LRP1B: variants seen among roughly 807,000 people sequenced by gnomAD.
The protein encoded by LRP1B is LDL receptor related protein 1B, also known as low-density lipoprotein receptor-related protein 1B.
A neutral mutation model predicts 556.6 loss-of-function variants in LRP1B; 217 were observed. The observed-to-expected ratio is 0.39, with a 90% CI of 0.35 to 0.44. The LOEUF is 0.44. Ranked by LOEUF, LRP1B falls within the 20% of genes least tolerant of loss-of-function variation. The pLI is 1.00. For missense variants in LRP1B, 5,053 were observed against 5,620.8 expected (o/e 0.90, Z 3.23); for synonymous variants, 2,047 against 1,865.8 (o/e 1.10, Z -2.50).
intron 1 of LRP1B, among the ~76,000 whole-genome samples, chr2:141,822,126 C>CAGAGAGAGAGAGAGAGAG (rs1308046198): frequency 5.2e-4 from 59 of 114,400 alleles, no homozygotes; most frequent in South Asian, 9.5e-4. Flanking sequence ...CACACACACA[C>CAGAGAGAGAGAGAGAGAG]ACACAGAGAG....
At chr2:141,394,085 C>T (rs1035572608) in intron 3 of LRP1B, among the ~76,000 whole-genome samples, 2 of 152,008 alleles carry the variant, frequency 1.3e-5, no homozygotes, top group Non-Finnish European at 2.9e-5. Context: ...ATTAAAGTTA[C>T]TACATTTAAA....
intron 2 of LRP1B, among the ~76,000 whole-genome samples, chr2:141,701,091 C>A (rs1301168813): frequency 6.6e-6 from 1 of 151,856 alleles, no homozygotes. Flanking sequence ...TGGACTACTG[C>A]CTTCCCTGGA....
At chr2:141,368,283 G>T (rs1689115017) in intron 3 of LRP1B, among the ~76,000 whole-genome samples, 1 of 152,142 alleles carries the variant, frequency 6.6e-6, no homozygotes, top group African/African-American at 2.4e-5. Flanking sequence ...TGAGATGTGG[G>T]AATTTATATG....
At chr2:140,740,604 C>G (rs993371820) in intron 35 of LRP1B, among the ~76,000 whole-genome samples, 4 of 152,066 alleles carry the variant, frequency 2.6e-5, no homozygotes, top group African/African-American at 9.7e-5. Flanking sequence ...CAAATCACCA[C>G]TAAAGAACTT....
intron 31 of LRP1B, among the ~76,000 whole-genome samples, chr2:140,835,509 A>G (rs554920001): frequency 6.6e-6 from 1 of 152,190 alleles, no homozygotes; most frequent in East Asian, 1.9e-4. Context: ...TAAAAACTTC[A>G]GTCACATTGC....
intron 4 of LRP1B, 108 bp downstream of exon 4, chr2:141,254,414 A>T: frequency 9.3e-7 from 1 of 1,078,948 alleles, no homozygotes; most frequent in Non-Finnish European, 1.3e-6. Context: ...AAGAAAAGTT[A>T]ACATAAACAC....
chr2:142,101,939 A>G (rs1456485603), intron 1 of LRP1B, among the ~76,000 whole-genome samples: 1 of 151,998 alleles, frequency 6.6e-6, no homozygotes, highest in Admixed American at 6.6e-5. Context: ...GCTCTGAGAT[A>G]GTATGGAGAG....
At chr2:140,684,320 A>G (rs545449901) in intron 41 of LRP1B, among the ~76,000 whole-genome samples, 1 of 152,336 alleles carries the variant, frequency 6.6e-6, no homozygotes, top group African/African-American at 2.4e-5. Flanking sequence ...GCAGAAAAAG[A>G]TGGTTAATGT....
chr2:140,663,696 C>T (rs1324208606), intron 41 of LRP1B, among the ~76,000 whole-genome samples: 2 of 152,156 alleles, frequency 1.3e-5, no homozygotes. Flanking sequence ...AAGAAGGGTA[C>T]TGTATTTTCT....
At chr2:142,118,196 A>T (rs1199495004) in intron 1 of LRP1B, among the ~76,000 whole-genome samples, 1 of 151,726 alleles carries the variant, frequency 6.6e-6, no homozygotes, top group Non-Finnish European at 1.5e-5. Flanking sequence ...ATTGCACTCA[A>T]CTCTCACTTA....
At chr2:141,672,772 C>T (rs902411381) in intron 2 of LRP1B, among the ~76,000 whole-genome samples, 8 of 152,272 alleles carry the variant, frequency 5.3e-5, no homozygotes, top group African/African-American at 1.9e-4. Flanking sequence ...CTATGATGCA[C>T]TGTAAAAAAT....
chr2:141,028,553 T>C (rs1343785953), intron 11 of LRP1B, among the ~76,000 whole-genome samples: 1 of 152,042 alleles, frequency 6.6e-6, no homozygotes, highest in Non-Finnish European at 1.5e-5. Flanking sequence ...TGAAAATTCC[T>C]GAAAAATCAT....
chr2:140,324,595 C>G (rs1025412256), intron 80 of LRP1B, among the ~76,000 whole-genome samples: 51 of 151,944 alleles, frequency 3.4e-4, no homozygotes, highest in African/African-American at 1.2e-3. Flanking sequence ...AAATGAAAAT[C>G]ATTCTTCATC....
At chr2:140,280,395 A>C (rs2104964106) in intron 84 of LRP1B, among the ~76,000 whole-genome samples, 1 of 151,948 alleles carries the variant, frequency 6.6e-6, no homozygotes, top group African/African-American at 2.4e-5. Context: ...AGAGTGGTTG[A>C]AGACAAGATG....
At chr2:141,847,966 T>C (rs1193956811) in intron 1 of LRP1B, among the ~76,000 whole-genome samples, 1 of 151,528 alleles carries the variant, frequency 6.6e-6, no homozygotes, top group African/African-American at 2.4e-5. Flanking sequence ...TTATATATAA[T>C]ATTTACAAAA....
At chr2:142,118,634 C>T (rs2105008706) in intron 1 of LRP1B, among the ~76,000 whole-genome samples, 1 of 152,230 alleles carries the variant, frequency 6.6e-6, no homozygotes, top group African/African-American at 2.4e-5. Flanking sequence ...CTTCAGCAGA[C>T]TTTGGTGTGA....
intron 41 of LRP1B, among the ~76,000 whole-genome samples, chr2:140,683,068 A>G (rs943904984): frequency 2.0e-5 from 3 of 152,216 alleles, no homozygotes; most frequent in Non-Finnish European, 4.4e-5. Context: ...ATACCTATTC[A>G]GAATGGCAGA....
intron 41 of LRP1B, among the ~76,000 whole-genome samples, chr2:140,665,015 A>G (rs1685218051): frequency 6.6e-6 from 1 of 152,154 alleles, no homozygotes; most frequent in African/African-American, 2.4e-5. Context: ...GCTATTTGAT[A>G]GGAATTAATA....
chr2:140,997,877 T>C (rs1374608901), intron 15 of LRP1B, among the ~76,000 whole-genome samples: 2 of 151,970 alleles, frequency 1.3e-5, no homozygotes, highest in Non-Finnish European at 2.9e-5. Context: ...TTTTCTCCTT[T>C]AGATCATAGC....
Sources: gnomAD v4.1 joint callset for allele counts (sites outside exome capture counted in the v4.1 genomes callset) on GRCh38, gnomAD v4.1.1 for gene constraint, MANE v1.5 for transcripts, NCBI Gene and HGNC (gene_info 2026-07-23, HGNC 2026-07-21) for gene names.